The following CCDC171 variants were observed in gnomAD, a reference collection of about 807,000 sequenced individuals.
CCDC171 encodes the protein coiled-coil domain containing 171, also known as coiled-coil domain-containing protein 171.
A neutral mutation model predicts 168.2 loss-of-function variants in CCDC171; 177 were observed. The observed-to-expected ratio is 1.05, with a 90% CI of 0.93 to 1.19. The LOEUF (loss-of-function observed/expected upper bound fraction) is 1.19. Ranked by LOEUF, CCDC171 falls within the 50% of genes most tolerant of loss-of-function variation. The pLI, the probability that CCDC171 is intolerant of heterozygous loss-of-function variation, is 0.00. For missense variants in CCDC171, 1,991 were observed against 1,539.0 expected (o/e 1.29, Z -4.91); for synonymous variants, 687 against 540.8 (o/e 1.27, Z -3.75).
intron 4 of CCDC171, among the ~76,000 whole-genome samples, chr9:15,588,959 C>G (rs182763838): frequency 0.013 from 2,000 of 152,074 alleles, 26 homozygotes; most frequent in Non-Finnish European, 0.02. Flanking sequence ...ATCCGCCTGC[C>G]TCGGCCTCCC....
At chr9:15,939,399 A>T (rs1827469132) in intron 25 of CCDC171, among the ~76,000 whole-genome samples, 1 of 151,934 alleles carries the variant, frequency 6.6e-6, no homozygotes, top group African/African-American at 2.4e-5. Context: ...AAGTCAGATT[A>T]TTGAAACAAT....
intron 3 of CCDC171, among the ~76,000 whole-genome samples, chr9:15,573,954 G>A (rs1032028980): frequency 2.8e-4 from 42 of 152,052 alleles, no homozygotes; most frequent in African/African-American, 9.7e-4. Context: ...GTTGTCATTA[G>A]ATTTCTCAGC....
intron 3 of CCDC171, among the ~76,000 whole-genome samples, chr9:15,986,514 G>A (rs1564102544): frequency 1.3e-5 from 2 of 152,136 alleles, no homozygotes; most frequent in African/African-American, 4.8e-5. Context: ...TCAGTTATGC[G>A]CTCATTAAAA....
chr9:16,027,849 C>T (rs1833303280), intron 6 of CCDC171, among the ~76,000 whole-genome samples: 1 of 152,150 alleles, frequency 6.6e-6, no homozygotes, highest in South Asian at 2.1e-4. Context: ...ATATTAATGC[C>T]ACACATGGAA....
chr9:15,700,656 A>AT (rs1220455065), intron 11 of CCDC171, among the ~76,000 whole-genome samples: 65 of 147,630 alleles, frequency 4.4e-4, no homozygotes, highest in South Asian at 3.9e-3. Context: ...TTTATTTTGT[A>AT]TTTTTTTTTT....
intron 4 of CCDC171, among the ~76,000 whole-genome samples, chr9:15,588,065 T>C (rs1397700980): frequency 2.6e-5 from 4 of 152,060 alleles, no homozygotes; most frequent in Admixed American, 2.0e-4. Flanking sequence ...TGAAACCCTG[T>C]CTCTACTAAA....
chr9:16,019,826 A>G (rs1434977969), intron 3 of CCDC171, among the ~76,000 whole-genome samples: 1 of 152,208 alleles, frequency 6.6e-6, no homozygotes, highest in African/African-American at 2.4e-5. Context: ...CATGATTTCA[A>G]GGGTATCAAA....
intron 25 of CCDC171, among the ~76,000 whole-genome samples, chr9:15,933,526 C>T (rs1156469716): frequency 6.6e-6 from 1 of 151,884 alleles, no homozygotes; most frequent in African/African-American, 2.4e-5. Flanking sequence ...TTCCATCCTT[C>T]TACCAATTCT....
At chr9:15,826,225 G>A (rs2060005128) in intron 21 of CCDC171, among the ~76,000 whole-genome samples, 1 of 151,830 alleles carries the variant, frequency 6.6e-6, no homozygotes, top group Admixed American at 6.6e-5. Flanking sequence ...TAAAACTGGT[G>A]TTTAACAAGC....
chr9:15,703,401 T>C (rs2051940847), intron 11 of CCDC171, among the ~76,000 whole-genome samples: 1 of 152,178 alleles, frequency 6.6e-6, no homozygotes, highest in Admixed American at 6.5e-5. Context: ...CATTAATATA[T>C]CTCTCTTCAT....
intron 15 of CCDC171, among the ~76,000 whole-genome samples, chr9:15,729,241 C>G (rs569816922): frequency 7.9e-5 from 12 of 152,072 alleles, no homozygotes; most frequent in Non-Finnish European, 1.2e-4. Context: ...AAACTGTTTG[C>G]AGATTTTTAA....
At chr9:15,627,827 A>G (rs894484543) in intron 7 of CCDC171, among the ~76,000 whole-genome samples, 7 of 152,300 alleles carry the variant, frequency 4.6e-5, no homozygotes, top group Non-Finnish European at 7.4e-5. Flanking sequence ...GTAGATGTCT[A>G]TTAGGTCTGC....
In CCDC171 at chr9:15,724,902, A is replaced by G; in HGVS notation, c.1618A>G (p.Lys540Glu). 1.2e-6 allele frequency: 2 copies of G among 1,613,992 alleles called. No individual in the cohort carries two copies. Among genetic ancestry groups the G allele is most frequent in the Non-Finnish European group, 1.7e-6 (2 of 1,179,908 alleles). Residue 540 changes from lysine (K) to glutamate (E), a missense_variant, in exon 14 of 26, where the codon AAA becomes GAA. Transcript: ENST00000380701. ...ELQNVLHCWEKEKAQAAQSES... is the reference protein window; with the variant it reads ...ELQNVLHCWEEEKAQAAQSES... The stretch of plus-strand genomic sequence containing the variant: ...ACAAAATGTGCTGCACTGTTGGGAG[A>G]AAGAAAAGGCTCAGGCAGCCCAGTC...
intron 6 of CCDC171, among the ~76,000 whole-genome samples, chr9:16,030,324 GTT>G (rs1245434986): frequency 3.9e-5 from 6 of 152,122 alleles, no homozygotes; most frequent in Non-Finnish European, 8.8e-5. Context: ...ACCTCTGTGT[GTT>G]TTATATGAAT....
rs781449689 is a variant in CCDC171, at chr9:15,744,585, A to G, written c.2362A>G (p.Lys788Glu). 1 of 1,614,238 alleles carries G rather than the reference A, an allele frequency of 6.2e-7. No homozygotes were observed. Among genetic ancestry groups the G allele is most frequent in the Non-Finnish European group, 8.5e-7 (1 of 1,180,042 alleles). The change falls in exon 17 of 26, where the codon AAG becomes GAG. Residue 788 changes from lysine (K) to glutamate (E), a missense_variant. Physicochemically the swap from Lys to Glu is moderately conservative, Grantham distance 56. Transcript: ENST00000380701. ...AGAGGAAAAGAAGCAAGAGGAAGCC[A>G]AGATGAAAAAGAAAACATTCAAAGG... Reference protein sequence around the residue: ...TVEEKKQEEAKMKKKTFKGLI... With the variant: ...TVEEKKQEEAEMKKKTFKGLI...
At chr9:16,054,202 C>T (rs1320251183) in intron 1 of CCDC171, among the ~76,000 whole-genome samples, 2 of 152,148 alleles carry the variant, frequency 1.3e-5, no homozygotes, top group African/African-American at 2.4e-5. Flanking sequence ...AAGGGAGTTG[C>T]CCATTCAGGG....
intron 7 of CCDC171, among the ~76,000 whole-genome samples, chr9:15,629,891 A>G (rs13297218): frequency 5.9e-5 from 9 of 152,140 alleles, no homozygotes; most frequent in Admixed American, 2.0e-4. Flanking sequence ...TTAAAGAAAA[A>G]AATTTTCAAC....
chr9:15,966,467 T>C (rs372956520), intron 25 of CCDC171, among the ~76,000 whole-genome samples: 1 of 152,290 alleles, frequency 6.6e-6, no homozygotes, highest in East Asian at 1.9e-4. Context: ...ATCAAAACCA[T>C]TGATCCAATC....
chr9:15,874,373 A>G (rs1458446646), intron 23 of CCDC171, among the ~76,000 whole-genome samples, 159 bp from the exon 24 acceptor site: 1 of 152,026 alleles, frequency 6.6e-6, no homozygotes, highest in Non-Finnish European at 1.5e-5. Flanking sequence ...TGAATTAGAG[A>G]TTTATTTGCA....
Sources: gnomAD v4.1 joint callset for allele counts (sites outside exome capture counted in the v4.1 genomes callset) on GRCh38, gnomAD v4.1.1 for gene constraint, MANE v1.5 for transcripts, NCBI Gene and HGNC (gene_info 2026-07-23, HGNC 2026-07-21) for gene names.